The following PCDHA4 variants were observed in gnomAD, a reference collection of about 807,000 sequenced individuals.
PCDHA4 encodes protocadherin alpha-4.
In PCDHA4, 49 loss-of-function variants were observed where a neutral mutation model predicts 61.4. The ratio of observed to expected loss-of-function variants is 0.80; its 90% CI spans 0.63 to 1.01. PCDHA4 has a LOEUF of 1.01. PCDHA4 is among the 50% of genes least tolerant of loss of function. The pLI, the probability that PCDHA4 is intolerant of heterozygous loss-of-function variation, is 0.00. For synonymous variants in PCDHA4, 590 were observed against 550.3 expected (o/e 1.07, Z -1.01); for missense variants, 1,254 against 1,235.8 (o/e 1.01, Z -0.22).
At chr5:140,928,817 G>A (rs868908592) in intron 1 of PCDHA4, 1 of 1,614,118 alleles carries the variant, frequency 6.2e-7, no homozygotes, top group Non-Finnish European at 8.5e-7. Flanking sequence ...CGGGACCATG[G>A]AGACCCACCA....
chr5:140,946,491 G>T (rs1292553232), intron 1 of PCDHA4, among the ~76,000 whole-genome samples: 2 of 151,676 alleles, frequency 1.3e-5, no homozygotes, highest in Middle Eastern at 3.4e-3. Context: ...CAAAGGAAAT[G>T]AAATCAGTAT....
chr5:140,929,226 C>T (rs782065898), intron 1 of PCDHA4: 14 of 1,613,766 alleles, frequency 8.7e-6, no homozygotes, highest in African/African-American at 5.3e-5. Flanking sequence ...ACAATGCTGC[C>T]GACCTGCGAA....
intron 1 of PCDHA4, chr5:140,883,540 G>A (rs782359917): frequency 1.9e-6 from 3 of 1,614,222 alleles, no homozygotes; most frequent in Non-Finnish European, 2.5e-6. Context: ...ATGAACTGGT[G>A]GTGACCGCGC....
chr5:140,980,878 G>A (rs528577692), intron 2 of PCDHA4, among the ~76,000 whole-genome samples: 6 of 152,118 alleles, frequency 3.9e-5, no homozygotes, highest in East Asian at 1.9e-4. Context: ...GGGTGTTCTC[G>A]GTCTTTCCAG....
At chr5:140,824,122 G>A (rs1768005836) in intron 1 of PCDHA4, 2 of 1,613,834 alleles carry the variant, frequency 1.2e-6, no homozygotes, top group Admixed American at 1.7e-5. Flanking sequence ...CACCTCTACA[G>A]ACAACGTGAG....
intron 3 of PCDHA4, among the ~76,000 whole-genome samples, chr5:140,995,446 T>C (rs2097684088): frequency 6.6e-6 from 1 of 152,206 alleles, no homozygotes; most frequent in Non-Finnish European, 1.5e-5. Flanking sequence ...TTAAAACTTA[T>C]GAATTGTTTA....
chr5:140,927,051 G>T, intron 1 of PCDHA4: 1 of 1,612,116 alleles, frequency 6.2e-7, no homozygotes, highest in South Asian at 1.1e-5. Flanking sequence ...TGTCCTCGCG[G>T]AACTTTCGCT....
intron 1 of PCDHA4, chr5:140,870,602 A>G: frequency 6.2e-7 from 1 of 1,613,246 alleles, no homozygotes; most frequent in Non-Finnish European, 8.5e-7. Flanking sequence ...CGGTTGGGCG[A>G]CCGCGCGCTG....
At chr5:140,955,692 T>A (rs1021752704) in intron 1 of PCDHA4, among the ~76,000 whole-genome samples, 1 of 152,196 alleles carries the variant, frequency 6.6e-6, no homozygotes, top group African/African-American at 2.4e-5. Context: ...CTGTGATGAA[T>A]GTCAATGGAA....
intron 3 of PCDHA4, among the ~76,000 whole-genome samples, chr5:141,000,919 A>AT (rs2097975024): frequency 6.6e-6 from 1 of 152,134 alleles, no homozygotes; most frequent in Non-Finnish European, 1.5e-5. Flanking sequence ...AAAAAAAAAA[A>AT]TCCTGTGTGA....
intron 1 of PCDHA4, chr5:140,829,364 G>A: frequency 6.2e-7 from 1 of 1,614,244 alleles, no homozygotes; most frequent in Non-Finnish European, 8.5e-7. Context: ...TGAGTTGGTG[G>A]TAACCGCGCG....
chr5:140,994,105 A>G (rs1264024543), intron 3 of PCDHA4, among the ~76,000 whole-genome samples: 2 of 152,226 alleles, frequency 1.3e-5, no homozygotes, highest in African/African-American at 2.4e-5. Context: ...TGGAAATATT[A>G]CATTGTCATG....
chr5:140,842,944 C>A (rs1165034372), intron 1 of PCDHA4: 1 of 1,594,432 alleles, frequency 6.3e-7, no homozygotes, highest in African/African-American at 1.3e-5. Flanking sequence ...GCGACGCGGG[C>A]GTGCCGCCTC....
At chr5:140,892,850 A>G (rs2063700618) in intron 1 of PCDHA4, among the ~76,000 whole-genome samples, 1 of 152,104 alleles carries the variant, frequency 6.6e-6, no homozygotes, top group Non-Finnish European at 1.5e-5. Flanking sequence ...ACCACAACCC[A>G]TTCCTCCTGT....
chr5:140,950,086 T>G (rs1178086288), intron 1 of PCDHA4, among the ~76,000 whole-genome samples: 1 of 151,946 alleles, frequency 6.6e-6, no homozygotes, highest in Non-Finnish European at 1.5e-5. Flanking sequence ...TATGCTATAG[T>G]TTTCATTTGT....
At chr5:140,875,884 C>A in intron 1 of PCDHA4, 1 of 1,614,168 alleles carries the variant, frequency 6.2e-7, no homozygotes, top group Non-Finnish European at 8.5e-7. Context: ...AGAAAGGGAA[C>A]AAAAGGTACC....
chr5:141,003,074 G>A (rs941146075), intron 3 of PCDHA4, among the ~76,000 whole-genome samples: 2 of 152,224 alleles, frequency 1.3e-5, no homozygotes, highest in Non-Finnish European at 2.9e-5. Flanking sequence ...GCAGATGAGG[G>A]TGAGTTTAAC....
chr5:140,822,940 A>T, intron 1 of PCDHA4: 1 of 1,614,204 alleles, frequency 6.2e-7, no homozygotes, highest in Non-Finnish European at 8.5e-7. Flanking sequence ...CTGCTCCCTA[A>T]TGCCCCACGT....
intron 1 of PCDHA4, among the ~76,000 whole-genome samples, chr5:140,885,084 A>C (rs1313908585): frequency 6.6e-6 from 1 of 152,198 alleles, no homozygotes; most frequent in South Asian, 2.1e-4. Context: ...AAAGAGCCCC[A>C]TAACTTTTCA....
Sources: allele counts gnomAD v4.1 joint callset (sites outside exome capture counted in the v4.1 genomes callset), GRCh38; gene constraint gnomAD v4.1.1; transcripts MANE v1.5; gene names NCBI Gene and HGNC (gene_info 2026-07-23, HGNC 2026-07-21).